Variants in CASZ1 observed in about 807,000 individuals in gnomAD.
CASZ1 encodes the protein castor zinc finger 1.
Under a neutral mutation model 135.2 loss-of-function variants are expected in CASZ1, and 28 were observed. That is an observed-to-expected ratio of 0.21 (90% CI 0.15 to 0.28). The LOEUF is 0.28. Among genes scored for constraint, CASZ1 ranks in the 10% least tolerant of loss-of-function variants. CASZ1 has a pLI of 1.00. For missense variants in CASZ1, 2,161 were observed against 2,453.3 expected (o/e 0.88, Z 2.52); for synonymous variants, 1,068 against 1,073.4 (o/e 0.99, Z 0.10).
intron 1 of CASZ1, among the ~76,000 whole-genome samples, chr1:10,775,951 G>A (rs148501316): frequency 6.6e-6 from 1 of 152,140 alleles, no homozygotes; most frequent in Admixed American, 6.5e-5. Flanking sequence ...GTGTGATACT[G>A]TCTGCTTTCT....
intron 1 of CASZ1, among the ~76,000 whole-genome samples, chr1:10,783,721 A>C (rs1475148627): frequency 1.3e-5 from 2 of 151,744 alleles, no homozygotes; most frequent in Non-Finnish European, 2.9e-5. Context: ...AAAAATACAA[A>C]ATTAGCCAGG....
rs902205800 is a variant in CASZ1 at position 10,694,570 on chromosome 1, G to A, written c.-23-658C>T. On this transcript the variant is annotated intron_variant, in intron 3 of 20. Coordinates refer to ENST00000377022, the MANE Select transcript of CASZ1 (RefSeq NM_001079843.3). The surrounding 1 kb of genome is among the most constrained non-coding windows in gnomAD (Gnocchi z 6.6). ...CCCGCGCCGGCCCCGGCAGGTGAAA[G>A]AGCAGAGCGCGGCCCCGCCGCCGCC... The A allele has an allele frequency of 3.6e-5, 5 of 137,456 alleles. No homozygotes were observed. Among genetic ancestry groups the A allele is most frequent in the African/African-American group, 1.1e-4 (4 of 35,856 alleles). The allele number at this position is 137,456 out of a possible 1,614,324, so 8.5% of individuals were successfully genotyped here.
chr1:10,749,957 T>C (rs892525479), intron 2 of CASZ1, among the ~76,000 whole-genome samples: 3 of 152,206 alleles, frequency 2.0e-5, no homozygotes, highest in Non-Finnish European at 2.9e-5. Context: ...GCTGGCTCTC[T>C]GTTGGCACCT....
At chr1:10,678,808 TC>T (rs573288178) in intron 4 of CASZ1, among the ~76,000 whole-genome samples, 16 of 149,602 alleles carry the variant, frequency 1.1e-4, no homozygotes, top group African/African-American at 3.5e-4. Flanking sequence ...CAATAAAAAA[TC>T]CCCCCCTTTT....
In CASZ1 at chr1:10,643,492, C is replaced by A. The variant is rs570072897; in HGVS notation, c.3869-181G>T. On this transcript the variant is annotated intron_variant, in intron 18 of 20. Transcript: ENST00000377022. ...AGGAAGGTCAGGAAGTCCAAAGCCC[C>A]CTGGCTGTCCAAACCCTGGGCCTCC... 3.9e-4 allele frequency among the ~76,000 whole-genome samples: 60 copies of A among 152,352 alleles called. 1 individual carries two copies. Among genetic ancestry groups the A allele is most frequent in the Non-Finnish European group, 7.4e-4 (50 of 68,022 alleles).
chr1:10,639,147 T>C lies in CASZ1; in HGVS notation c.5075A>G (p.Asp1692Gly). The stretch of plus-strand genomic sequence containing the variant: ...GTCCTCGTCGTCGTCCTCGTCCTCG[T>C]CGTCTTCGGCCTCCTCCTCCGGCAG... ...LELPEEEAED[D>G]EDEDDDEDDD... Residue 1692 changes from aspartate (D) to glycine (G), a missense_variant, in exon 21 of 21, where the codon GAC becomes GGC. By Grantham distance (94) the Asp-to-Gly change is moderately conservative. Around this residue, in one of 7 missense-constraint regions of CASZ1, gnomAD observed 185 missense variants for 134.7 expected, o/e 1.37. Coordinates refer to ENST00000377022, the MANE Select transcript of CASZ1 (RefSeq NM_001079843.3). This position sits in a 1 kb window ranked among gnomAD's most constrained non-coding sequence, Gnocchi z 4.0. 9.1e-7 allele frequency: 1 copy of C among 1,100,702 alleles called. No homozygotes were observed. Among genetic ancestry groups the C allele is most frequent in the Non-Finnish European group, 1.1e-6 (1 of 890,036 alleles). The allele number at this position is 1,100,702 out of a possible 1,614,324, so 68.2% of individuals were successfully genotyped here.
At chr1:10,653,227 C>A in intron 11 of CASZ1, 150 bp downstream of exon 11, 1 of 849,576 alleles carries the variant, frequency 1.2e-6, no homozygotes, top group Non-Finnish European at 1.9e-6. Flanking sequence ...AGGATGGGGG[C>A]GAAGATCAGG....
intron 1 of CASZ1, among the ~76,000 whole-genome samples, chr1:10,787,765 A>G (rs979941675): frequency 3.9e-5 from 6 of 151,964 alleles, no homozygotes; most frequent in Non-Finnish European, 7.4e-5. Context: ...AGGGCATGCA[A>G]TTTGGCCATT....
chr1:10,684,985 G>C (rs962994157), intron 4 of CASZ1, among the ~76,000 whole-genome samples: 1 of 152,252 alleles, frequency 6.6e-6, no homozygotes, highest in African/African-American at 2.4e-5. Context: ...CAAAGGTCGG[G>C]AGCCTCCTGG....
chr1:10,753,039 AAAAAC>A (rs955210327), intron 2 of CASZ1, among the ~76,000 whole-genome samples: 1 of 152,252 alleles, frequency 6.6e-6, no homozygotes, highest in African/African-American at 2.4e-5. Flanking sequence ...CTCCATCTCA[AAAAAC>A]AAAACAAAAC....
intron 6 of CASZ1, 50 bp downstream of exon 6, chr1:10,659,652 G>T: frequency 1.4e-6 from 2 of 1,475,136 alleles, no homozygotes; most frequent in Non-Finnish European, 1.9e-6. Context: ...GAGGCCTCCT[G>T]TCTAGTCTGG....
chr1:10,789,962 C>A (rs543986405), intron 1 of CASZ1, among the ~76,000 whole-genome samples: 27 of 152,302 alleles, frequency 1.8e-4, no homozygotes, highest in African/African-American at 6.3e-4. Flanking sequence ...AGCAACTTAA[C>A]TTGGTGAACT....
intron 13 of CASZ1, 113 bp from the exon 14 acceptor site, chr1:10,649,550 G>T: frequency 7.9e-7 from 1 of 1,260,502 alleles, no homozygotes; most frequent in Non-Finnish European, 1.1e-6. Context: ...AGCCCTCAGA[G>T]CCAGCAGAGA....
intron 5 of CASZ1, among the ~76,000 whole-genome samples, chr1:10,662,545 TCACA>T (rs1001845548): frequency 7.3e-5 from 11 of 150,918 alleles, no homozygotes; most frequent in Non-Finnish European, 1.2e-4. Context: ...ACACATGCAA[TCACA>T]CACACTCTAC....
At chr1:10,678,655 T>C (rs532942841) in intron 4 of CASZ1, among the ~76,000 whole-genome samples, 1 of 152,188 alleles carries the variant, frequency 6.6e-6, no homozygotes, top group Non-Finnish European at 1.5e-5. Context: ...CCATATTTCC[T>C]TGATTATTTC....
intron 1 of CASZ1, among the ~76,000 whole-genome samples, chr1:10,795,730 T>C (rs899961065): frequency 6.7e-6 from 1 of 150,330 alleles, no homozygotes; most frequent in Non-Finnish European, 1.5e-5. Context: ...GGGAAGGGAG[T>C]GAGGAACGCC....
chr1:10,654,300 C>A (rs1338648322), intron 10 of CASZ1, 82 bp from the exon 11 acceptor site: 13 of 1,579,366 alleles, frequency 8.2e-6, no homozygotes, highest in Non-Finnish European at 1.0e-5. Flanking sequence ...GGGACAGTCC[C>A]CCGGGTGGAA....
At chr1:10,655,410 A>G (rs2100233189) in intron 9 of CASZ1, among the ~76,000 whole-genome samples, 1 of 152,378 alleles carries the variant, frequency 6.6e-6, no homozygotes, top group South Asian at 2.1e-4. Flanking sequence ...TTTCATCCAC[A>G]CCAAGTATGG....
chr1:10,660,629 G>A, intron 5 of CASZ1, 93 bp from the exon 6 acceptor site: 1 of 975,392 alleles, frequency 1.0e-6, no homozygotes. Context: ...AGAGGGAGGG[G>A]GTCAGTGTGG....
Sources: gnomAD v4.1 joint callset for allele counts (sites outside exome capture counted in the v4.1 genomes callset) on GRCh38, gnomAD v4.1.1 for gene constraint, gnomAD v4.1.1 regional missense constraint, Gnocchi (gnomAD v3.1) non-coding constraint, MANE v1.5 for transcripts, NCBI Gene and HGNC (gene_info 2026-07-23, HGNC 2026-07-21) for gene names.